MYH3: variants seen among roughly 807,000 people sequenced by gnomAD.
MYH3 encodes myosin-3.
Under a neutral mutation model 238.0 loss-of-function variants are expected in MYH3, and 130 were observed. The ratio of observed to expected loss-of-function variants is 0.55; its 90% CI spans 0.47 to 0.63. The LOEUF (loss-of-function observed/expected upper bound fraction) is 0.63. Ranked by LOEUF, MYH3 falls within the 30% of genes least tolerant of loss-of-function variation. The pLI is 0.00. For missense variants in MYH3, 1,853 were observed against 2,374.9 expected, an observed-to-expected ratio of 0.78 and a Z score of 4.57; for synonymous variants, 880 against 924.1, an observed-to-expected ratio of 0.95 and a Z score of 0.86.
chr17:10,650,503 T>C (rs2142420725), intron 5 of MYH3, 102 bp from the exon 6 acceptor site: 8 of 1,064,034 alleles, frequency 7.5e-6, no homozygotes, highest in Non-Finnish European at 1.1e-5. Flanking sequence ...ACAATTCCTC[T>C]TCCTTTACAT....
rs1358533074 is a variant in MYH3, at chr17:10,652,561, G to A, written c.207C>T (p.Thr69=). The A allele has an allele frequency of 2.5e-6, 4 of 1,590,990 alleles. No individual in the cohort carries two copies. The African/African-American group carries it at 5.4e-5, about 22-fold the overall frequency. The stretch of plus-strand genomic sequence containing the variant: ...ACACATCCTCTGGTTTGACCACCAG[G>A]GTCTAAAAAGGAAGAGGCACAGTGC... ...KVTVETEDNR[T]LVVKPEDVYA... is the part of the protein sequence containing the mutation. The change falls in exon 4 of 41, where the codon ACC becomes ACT. Residue 69 remains threonine (T), a splice_region_variant and synonymous_variant. Coordinates refer to ENST00000583535, the MANE Select transcript of MYH3 (RefSeq NM_002470.4).
chr17:10,648,497 G>T, intron 8 of MYH3, 60 bp downstream of exon 8: 1 of 1,379,464 alleles, frequency 7.2e-7, no homozygotes, highest in Non-Finnish European at 1.0e-6. Context: ...TTGAGGACAG[G>T]GCTCTTGCCT....
At chr17:10,641,793 A>C (rs775187454) in intron 17 of MYH3, among the ~76,000 whole-genome samples, 2 of 152,106 alleles carry the variant, frequency 1.3e-5, no homozygotes, top group Non-Finnish European at 2.9e-5. Context: ...GGATTACAGG[A>C]GTGAGCCACT....
At chr17:10,673,681 A>G in the MYH3 span, 1 of 152,354 alleles carries the variant, frequency 6.6e-6, no homozygotes, top group East Asian at 1.9e-4. Flanking sequence ...ATGATCCTCA[A>G]TCAGGTTTCA....
chr17:10,633,839 A>G, intron 32 of MYH3, 124 bp from the exon 33 acceptor site: 6 of 1,507,400 alleles, frequency 4.0e-6, no homozygotes, highest in South Asian at 2.3e-5. Flanking sequence ...CTTCCTAGAG[A>G]TAAGATATTG....
the MYH3 span, chr17:10,676,221 A>T: frequency 6.6e-6 from 1 of 152,214 alleles, no homozygotes; most frequent in Non-Finnish European, 1.5e-5. Context: ...CCTCCCGAGT[A>T]GCTGGGATTA....
chr17:10,632,067 C>T (rs370205839), intron 34 of MYH3, 51 bp from the exon 35 acceptor site: 62 of 1,577,620 alleles, frequency 3.9e-5, no homozygotes, highest in Non-Finnish European at 4.8e-5. Flanking sequence ...GTTAGGACCA[C>T]GAGCCTCATC....
Position 10,641,297 on chromosome 17 carries a change from T to C in MYH3, c.2035A>G (p.Thr679Ala). Residue 679 changes from threonine (T) to alanine (A), a missense_variant, in exon 18 of 41, where the codon ACC becomes GCC. Around this residue, in one of 3 missense-constraint regions of MYH3, gnomAD observed 678 missense variants for 1,058.9 expected, o/e 0.64. Coordinates refer to ENST00000583535, the MANE Select transcript of MYH3 (RefSeq NM_002470.4). ...GCAGGTGTCTCACCTGGAGTTTTGGTTTCATTGGGAATTATACAACGCACA... is the reference window on the plus strand; with the variant it reads ...GCAGGTGTCTCACCTGGAGTTTTGGCTTCATTGGGAATTATACAACGCACA... ...HFVRCIIPNE[T>A]KTPGAMEHSL... is the part of the protein sequence containing the mutation. 3.1e-6 allele frequency: 5 copies of C among 1,612,952 alleles called. No homozygotes were observed. Among genetic ancestry groups the C allele is most frequent in the Non-Finnish European group, 4.2e-6 (5 of 1,179,018 alleles).
Position 10,641,347 on chromosome 17 carries a change from T to C in MYH3, c.1985A>G (p.Asn662Ser). The C allele has an allele frequency of 6.2e-7, 1 of 1,611,624 alleles. No individual in the cohort carries two copies. ...AAAATGAGGGTGAGTAGTTCTTAAA[T>C]TTGACATCAGCTTGTTCAGGTTTTC... ...FRENLNKLMS[N>S]LRTTHPHFVR... Residue 662 changes from asparagine to serine, a missense_variant, in exon 18 of 41, where the codon AAT (asparagine) becomes AGT (serine). Asn to Ser is a conservative substitution (Grantham distance 46). This residue lies in a region of MYH3 where 678 missense variants were observed against 1,058.9 expected (regional missense o/e 0.64). Transcript: ENST00000583535.
intron 36 of MYH3, among the ~76,000 whole-genome samples, chr17:10,630,724 G>A (rs558205621): frequency 6.6e-6 from 1 of 152,144 alleles, no homozygotes; most frequent in African/African-American, 2.4e-5. Context: ...GGTGGCAGAT[G>A]CCCGTATTCC....
At position 10,652,583 on chromosome 17, in the gene MYH3, G is replaced by A; in HGVS notation, c.205-20C>T. On this transcript the variant is annotated intron_variant, in intron 3 of 40. Coordinates refer to ENST00000583535, the MANE Select transcript of MYH3 (RefSeq NM_002470.4). ...CAGGGTCTAAAAAGGAAGAGGCACA[G>A]TGCTTCACTAAGATGGTCTGCACGT... 1 of 1,055,922 alleles carries A rather than the reference G, an allele frequency of 9.5e-7. No homozygotes were observed. Among genetic ancestry groups the A allele is most frequent in the Non-Finnish European group, 1.4e-6 (1 of 717,528 alleles). The allele number at this position is 1,055,922 out of a possible 1,614,324, so 65.4% of individuals were successfully genotyped here. A position where few individuals can be genotyped will look rare whatever the true frequency, so the allele number is the denominator to read the frequency against.
At chr17:10,673,932 A>G in the MYH3 span, 1 of 152,104 alleles carries the variant, frequency 6.6e-6, no homozygotes, top group Admixed American at 6.6e-5. Flanking sequence ...TATTTGAGAG[A>G]CTCTTCAAAT....
Position 10,640,392 on chromosome 17 carries a change from T to C in MYH3, c.2367A>G (p.Thr789=), listed in dbSNP as rs2074259202. ...DDRLAKLITR[T]QAVCRGFLMR... ...TGAGGAACCCTCTGCACACAGCTTG[T>C]GTCCGGGTGATTAGTTTGGCCAGGC... Residue 789 remains threonine, a synonymous_variant, in exon 21 of 41, where the codon ACA becomes ACG. Coordinates refer to ENST00000583535, the MANE Select transcript of MYH3 (RefSeq NM_002470.4). The C allele has an allele frequency of 6.2e-7, 1 of 1,614,102 alleles. No homozygotes were observed. Among genetic ancestry groups the C allele is most frequent in the Non-Finnish European group, 8.5e-7 (1 of 1,180,042 alleles).
chr17:10,647,669 T>C lies in MYH3; in HGVS notation c.736-243A>G, dbSNP rs3760432. 0.69 allele frequency among the ~76,000 whole-genome samples: 105,034 copies of C among 152,116 alleles called. 37,349 individuals carry two copies. The highest frequency in any genetic ancestry group is 0.8 in the Non-Finnish European group (54,109 of 67,980). Reference sequence around the variant, plus strand: ...AAGTGATTCTCCTGCCTCAGCCTCCTGAGTAGCTGGGACTACAATCACGTG... The same window carrying C: ...AAGTGATTCTCCTGCCTCAGCCTCCCGAGTAGCTGGGACTACAATCACGTG... On this transcript the variant is annotated intron_variant, in intron 8 of 40. Coordinates refer to ENST00000583535, the MANE Select transcript of MYH3 (RefSeq NM_002470.4).
chr17:10,664,269 T>C, the MYH3 span, among the ~76,000 whole-genome samples: 7 of 152,058 alleles, frequency 4.6e-5, no homozygotes, highest in Non-Finnish European at 8.8e-5. Flanking sequence ...CTAATGCTCA[T>C]GTAAACTCTG....
Position 10,634,852 on chromosome 17 carries a change from C to T in MYH3, c.4344G>A (p.Arg1448=), listed in dbSNP as rs1191371545. 6.2e-7 allele frequency: 1 copy of T among 1,614,018 alleles called. No individual in the cohort carries two copies. The highest frequency in any genetic ancestry group is 2.2e-5 in the East Asian group (1 of 44,880). ...GCGGACCCCACACCTTGTCAAAGTT[C>T]CTCTGCTTCTTGTCCAGAGCGGCGG... ...SLAAALDKKQ[R]NFDKVLAEWK... Residue 1448 remains arginine, a synonymous_variant, in exon 31 of 41, where the codon AGG becomes AGA. Transcript: ENST00000583535.
rs759613380 is a variant in MYH3, at chr17:10,628,699, C to T, written c.5797-20G>A. ...CACCATCTAGGAAGAAAGTAGGCAC[C>T]TGGAGTCAAGTCGGGTGGCAGAGAC... is the stretch of plus-strand genomic sequence containing the variant. On this transcript the variant is annotated intron_variant, in intron 40 of 40. Transcript: ENST00000583535. 6.2e-7 allele frequency: 1 copy of T among 1,614,176 alleles called. No homozygotes were observed. The highest frequency in any genetic ancestry group is 1.3e-5 in the African/African-American group (1 of 75,046).
chr17:10,661,460 C>T (rs754844641), upstream of MYH3, among the ~76,000 whole-genome samples: 1 of 152,062 alleles, frequency 6.6e-6, no homozygotes, highest in Non-Finnish European at 1.5e-5. Flanking sequence ...TATTAGCTGG[C>T]TTTTGGGAAC....
At chr17:10,661,032 G>A (rs1457938388), upstream of MYH3, among the ~76,000 whole-genome samples, 3 of 150,808 alleles carry the variant, frequency 2.0e-5, no homozygotes, top group East Asian at 2.1e-4. Context: ...GCTGGAGTGC[G>A]ATGGCGCTAT....
Sources: allele counts gnomAD v4.1 joint callset (sites outside exome capture counted in the v4.1 genomes callset), GRCh38; gene constraint gnomAD v4.1.1; regional missense constraint gnomAD v4.1.1; transcripts MANE v1.5; gene names NCBI Gene and HGNC (gene_info 2026-07-23, HGNC 2026-07-21).